SUGCT: variants seen among roughly 807,000 people sequenced by gnomAD.
SUGCT encodes succinyl-CoA:glutarate-CoA transferase.
A neutral mutation model predicts 55.0 loss-of-function variants in SUGCT; 41 were observed. That is an observed-to-expected ratio of 0.74 (90% CI 0.58 to 0.97). SUGCT has a LOEUF of 0.97. Ranked by LOEUF, SUGCT falls within the 50% of genes least tolerant of loss-of-function variation. The pLI is 0.00. For missense variants in SUGCT, 568 were observed against 547.8 expected (o/e 1.04, Z -0.37); for synonymous variants, 187 against 200.4 (o/e 0.93, Z 0.56).
chr7:40,448,950 G>GTGTGTGTA (rs1554341106), intron 9 of SUGCT, among the ~76,000 whole-genome samples: 2 of 141,904 alleles, frequency 1.4e-5, no homozygotes, highest in African/African-American at 5.4e-5. Context: ...GTGTGTGTGT[G>GTGTGTGTA]TATATATATA....
intron 13 of SUGCT, among the ~76,000 whole-genome samples, chr7:40,844,601 G>C (rs934458737): frequency 2.0e-5 from 3 of 152,178 alleles, no homozygotes; most frequent in African/African-American, 7.2e-5. Context: ...TACAGGGTTG[G>C]GGGCAGGGTG....
chr7:40,473,382 A>G (rs1790501016), intron 11 of SUGCT, among the ~76,000 whole-genome samples: 1 of 152,162 alleles, frequency 6.6e-6, no homozygotes, highest in Non-Finnish European at 1.5e-5. Context: ...TAGTAGTTGG[A>G]TGTGATATTT....
chr7:40,164,230 C>G (rs554439712), intron 1 of SUGCT, among the ~76,000 whole-genome samples: 1 of 151,734 alleles, frequency 6.6e-6, no homozygotes, highest in East Asian at 1.9e-4. Context: ...TGGGTTCAAG[C>G]GATTCTCCTG....
rs543890247 is a variant in SUGCT at position 40,403,364 on chromosome 7, G to A, written c.817-45923G>A. On this transcript the variant is annotated intron_variant, in intron 9 of 13. Transcript: ENST00000335693. ...TGTCATGAAGAATGAAAGCTGAGTA[G>A]TATTTTATCCAAAACACATTTGATT... 3.3e-5 allele frequency among the ~76,000 whole-genome samples: 5 copies of A among 152,224 alleles called. No individual in the cohort carries two copies. In the East Asian group the frequency reaches 9.7e-4, roughly 29 times the overall value.
At chr7:40,286,382 C>A (rs1196121426) in intron 8 of SUGCT, among the ~76,000 whole-genome samples, 2 of 152,098 alleles carry the variant, frequency 1.3e-5, no homozygotes, top group Non-Finnish European at 2.9e-5. Context: ...CTTAGGAGAA[C>A]CCCTTTTTTT....
intron 9 of SUGCT, among the ~76,000 whole-genome samples, chr7:40,396,719 C>T (rs1359750558): frequency 1.3e-5 from 2 of 152,160 alleles, no homozygotes; most frequent in Non-Finnish European, 2.9e-5. Context: ...TTTAAATTCA[C>T]ATATATGTGT....
intron 12 of SUGCT, among the ~76,000 whole-genome samples, chr7:40,575,126 G>GCGGC: frequency 7.2e-6 from 1 of 139,808 alleles, no homozygotes; most frequent in African/African-American, 3.2e-5. Flanking sequence ...TGGCGGGGGT[G>GCGGC]GGGGTGGAGA....
chr7:40,267,703 C>G (rs1383820746), intron 7 of SUGCT, among the ~76,000 whole-genome samples: 2 of 152,100 alleles, frequency 1.3e-5, no homozygotes, highest in Non-Finnish European at 2.9e-5. Context: ...ATTTTGTCTT[C>G]TTGCACCTGG....
intron 13 of SUGCT, among the ~76,000 whole-genome samples, chr7:40,827,064 C>A (rs17688601): frequency 0.2 from 30,514 of 152,090 alleles, 3,762 homozygotes; most frequent in South Asian, 0.35. Context: ...GCATAGTTAA[C>A]ATCCTGACGA....
Position 40,374,356 on chromosome 7 carries a change from A to G in SUGCT, c.816+57501A>G, listed in dbSNP as rs549919081. On this transcript the variant is annotated intron_variant, in intron 9 of 13. Transcript: ENST00000335693. ...TCCTCATTTTACAGATGAGGAAGCT[A>G]AGGTTCAGAAATATTAATTCCCTTA... 4.6e-5 allele frequency among the ~76,000 whole-genome samples: 7 copies of G among 152,274 alleles called. No individual in the cohort carries two copies. In the East Asian group the frequency reaches 1.4e-3, roughly 29 times the overall value.
At chr7:40,599,323 G>A (rs1798178600) in intron 12 of SUGCT, among the ~76,000 whole-genome samples, 1 of 152,160 alleles carries the variant, frequency 6.6e-6, no homozygotes, top group South Asian at 2.1e-4. Flanking sequence ...TGAAGGGTAA[G>A]GAATGTTTTT....
chr7:40,934,853 T>G, the SUGCT span, among the ~76,000 whole-genome samples: 2 of 152,010 alleles, frequency 1.3e-5, no homozygotes, highest in East Asian at 1.9e-4. Context: ...TGTCACAGCA[T>G]CTCTTGGAAA....
chr7:40,924,264 A>ATGTGTGTGTGTG, the SUGCT span, among the ~76,000 whole-genome samples: 2 of 48,896 alleles, frequency 4.1e-5, no homozygotes, highest in Admixed American at 2.2e-4. Context: ...TCTTTCAATT[A>ATGTGTGTGTGTG]CGTGTGTGTG....
chr7:41,021,971 G>T, the SUGCT span, among the ~76,000 whole-genome samples: 2 of 128,364 alleles, frequency 1.6e-5, no homozygotes, highest in African/African-American at 5.3e-5. Flanking sequence ...GTCTTAGGCA[G>T]CCTAAAATAT....
At chr7:40,964,443 C>T in the SUGCT span, among the ~76,000 whole-genome samples, 2 of 152,190 alleles carry the variant, frequency 1.3e-5, no homozygotes, top group Non-Finnish European at 2.9e-5. Flanking sequence ...GACCCAGATT[C>T]TGGAGAGGGG....
the SUGCT span, among the ~76,000 whole-genome samples, chr7:40,964,105 A>G: frequency 7.2e-5 from 11 of 152,230 alleles, no homozygotes; most frequent in African/African-American, 2.4e-4. Flanking sequence ...AGATATCAAA[A>G]TGTCCTATCA....
At chr7:40,543,515 C>T (rs1327049161) in intron 12 of SUGCT, among the ~76,000 whole-genome samples, 1 of 152,158 alleles carries the variant, frequency 6.6e-6, no homozygotes, top group African/African-American at 2.4e-5. Context: ...TTTGAAGAAC[C>T]CTGCCTTGCA....
chr7:40,375,570 T>G (rs1428437813), intron 9 of SUGCT, among the ~76,000 whole-genome samples: 1 of 152,208 alleles, frequency 6.6e-6, no homozygotes, highest in Non-Finnish European at 1.5e-5. Context: ...TGATTCTTTC[T>G]TATCCTTTAG....
chr7:40,176,961 C>CAAA (rs4051102), intron 1 of SUGCT, among the ~76,000 whole-genome samples: 2 of 100,316 alleles, frequency 2.0e-5, no homozygotes, highest in Non-Finnish European at 4.3e-5. Flanking sequence ...ACTCCGTCTC[C>CAAA]AAAAAAAAAA....
Sources: allele counts gnomAD v4.1 joint callset (sites outside exome capture counted in the v4.1 genomes callset), GRCh38; gene constraint gnomAD v4.1.1; transcripts MANE v1.5; gene names NCBI Gene and HGNC (gene_info 2026-07-23, HGNC 2026-07-21).